Variants in OPCML observed in about 807,000 individuals in gnomAD.
OPCML encodes opioid-binding protein/cell adhesion molecule.
In OPCML, 13 loss-of-function variants were observed where a neutral mutation model predicts 37.8. The ratio of observed to expected loss-of-function variants is 0.34; its 90% CI spans 0.22 to 0.55. OPCML has a LOEUF of 0.55. Ranked by LOEUF, OPCML falls within the 20% of genes least tolerant of loss-of-function variation. The pLI, the probability that OPCML is intolerant of heterozygous loss-of-function variation, is 0.91. For synonymous variants in OPCML, 176 were observed against 168.8 expected (o/e 1.04, Z -0.33); for missense variants, 341 against 435.6 (o/e 0.78, Z 1.93).
chr11:133,472,061 T>C (rs962201697), intron 1 of OPCML, among the ~76,000 whole-genome samples: 3 of 152,232 alleles, frequency 2.0e-5, no homozygotes, highest in Admixed American at 6.5e-5. Context: ...AAAATGGAAG[T>C]GAGAATGAAA....
chr11:133,092,875 T>C (rs1051530348), intron 1 of OPCML, among the ~76,000 whole-genome samples: 1 of 152,108 alleles, frequency 6.6e-6, no homozygotes, highest in African/African-American at 2.4e-5. Context: ...AGAGGATTTC[T>C]GGCAACAGCA....
chr11:132,962,955 C>T (rs556069168), intron 1 of OPCML, among the ~76,000 whole-genome samples: 1 of 152,276 alleles, frequency 6.6e-6, no homozygotes, highest in South Asian at 2.1e-4. Flanking sequence ...GTTTTCTCTG[C>T]CAGACAGAGC....
At chr11:133,133,178 A>G (rs1404580870) in intron 1 of OPCML, among the ~76,000 whole-genome samples, 1 of 152,180 alleles carries the variant, frequency 6.6e-6, no homozygotes, top group African/African-American at 2.4e-5. Flanking sequence ...CTGAAGTGGA[A>G]TCAGATGCAA....
At chr11:132,939,222 T>C (rs1047031472) in intron 2 of OPCML, among the ~76,000 whole-genome samples, 2 of 152,206 alleles carry the variant, frequency 1.3e-5, no homozygotes, top group Non-Finnish European at 2.9e-5. Context: ...AGGTGCAAAG[T>C]ACAGAAACAC....
intron 1 of OPCML, among the ~76,000 whole-genome samples, chr11:133,450,409 A>C (rs78471847): frequency 6.6e-6 from 1 of 151,222 alleles, no homozygotes; most frequent in South Asian, 2.1e-4. Flanking sequence ...TTTTTTTTTA[A>C]GATTTCTCAC....
chr11:132,506,531 C>T (rs1015484539), intron 4 of OPCML, among the ~76,000 whole-genome samples: 3 of 151,970 alleles, frequency 2.0e-5, no homozygotes, highest in Admixed American at 6.6e-5. Context: ...AACATGTAAA[C>T]GCGGATTGTG....
intron 1 of OPCML, among the ~76,000 whole-genome samples, chr11:133,321,110 G>C (rs1335537410): frequency 6.6e-6 from 1 of 152,070 alleles, no homozygotes; most frequent in African/African-American, 2.4e-5. Context: ...GGGGGAAGGT[G>C]GGGGGACAAT....
intron 2 of OPCML, among the ~76,000 whole-genome samples, chr11:132,916,795 C>T (rs961328175): frequency 2.0e-5 from 3 of 152,118 alleles, no homozygotes; most frequent in African/African-American, 7.2e-5. Context: ...CTACCCTCAC[C>T]CTGCCTCCTC....
In OPCML at chr11:133,086,057, G is replaced by C. The variant is rs191192185; in HGVS notation, c.62-143047C>G. Among the ~76,000 whole-genome samples the C allele has an allele frequency of 3.9e-5, 6 of 152,310 alleles. No homozygotes were observed. In the East Asian group the frequency reaches 1.2e-3, roughly 29 times the overall value. On this transcript the variant is annotated intron_variant, in intron 1 of 7. Coordinates refer to ENST00000524381, the MANE Select transcript of OPCML (RefSeq NM_001012393.5). ...CCCTCTCTGTGCATTTCAGAAGATGGTGTAAAACAGTGCTAGAGAAAGCCT... is the reference window on the plus strand; with the variant it reads ...CCCTCTCTGTGCATTTCAGAAGATGCTGTAAAACAGTGCTAGAGAAAGCCT...
At chr11:133,000,830 T>C (rs1434192641) in intron 1 of OPCML, among the ~76,000 whole-genome samples, 16 of 152,182 alleles carry the variant, frequency 1.1e-4, no homozygotes, top group Non-Finnish European at 1.5e-5. Flanking sequence ...GAGGTGTCTG[T>C]CTCATGGGGG....
intron 4 of OPCML, among the ~76,000 whole-genome samples, chr11:132,508,178 A>C (rs2137162648): frequency 6.6e-6 from 1 of 152,312 alleles, no homozygotes; most frequent in African/African-American, 2.4e-5. Flanking sequence ...GTTATTTTTA[A>C]ACTCTTTCAG....
At chr11:132,440,334 GT>G (rs531730416) in intron 4 of OPCML, among the ~76,000 whole-genome samples, 2,131 of 146,100 alleles carry the variant, frequency 0.015, 31 homozygotes, top group African/African-American at 0.042. Context: ...ATTCTTTAGA[GT>G]TTTTTTTTTT....
At chr11:132,578,360 A>C (rs1354633101) in intron 3 of OPCML, among the ~76,000 whole-genome samples, 1 of 152,218 alleles carries the variant, frequency 6.6e-6, no homozygotes, top group Non-Finnish European at 1.5e-5. Context: ...CCTGAAAGAA[A>C]ACAATAGCAG....
At chr11:133,029,971 T>A (rs147252823) in intron 1 of OPCML, among the ~76,000 whole-genome samples, 2 of 152,306 alleles carry the variant, frequency 1.3e-5, no homozygotes, top group Non-Finnish European at 2.9e-5. Context: ...GTGAAGTAAC[T>A]TGGTCAAGGT....
chr11:133,163,741 A>T (rs536264209), intron 1 of OPCML, among the ~76,000 whole-genome samples: 2 of 152,310 alleles, frequency 1.3e-5, no homozygotes, highest in South Asian at 2.1e-4. Context: ...TTAGCAGTGC[A>T]AAGAGGTGTT....
intron 2 of OPCML, among the ~76,000 whole-genome samples, chr11:132,697,495 T>G (rs1476482896): frequency 2.0e-5 from 3 of 152,206 alleles, no homozygotes; most frequent in Non-Finnish European, 4.4e-5. Context: ...GAATTTAAAT[T>G]TTTTTAGATT....
chr11:132,793,627 C>A (rs1298130320), intron 2 of OPCML, among the ~76,000 whole-genome samples: 1 of 152,152 alleles, frequency 6.6e-6, no homozygotes, highest in East Asian at 1.9e-4. Flanking sequence ...CCAATTCTAC[C>A]TTTCTAACTT....
chr11:133,112,285 C>CA (rs370146450), intron 1 of OPCML, among the ~76,000 whole-genome samples: 1,012 of 48,402 alleles, frequency 0.021, 8 homozygotes, highest in African/African-American at 0.029. Flanking sequence ...GACTCTTGGC[C>CA]AAAAAAAAAA....
At chr11:133,241,818 G>GC (rs1279081924) in intron 1 of OPCML, among the ~76,000 whole-genome samples, 1 of 152,126 alleles carries the variant, frequency 6.6e-6, no homozygotes, top group Non-Finnish European at 1.5e-5. Flanking sequence ...CCACAGAACT[G>GC]CCCACTGCCA....
Sources: gnomAD v4.1 joint callset for allele counts (sites outside exome capture counted in the v4.1 genomes callset) on GRCh38, gnomAD v4.1.1 for gene constraint, MANE v1.5 for transcripts, NCBI Gene and HGNC (gene_info 2026-07-23, HGNC 2026-07-21) for gene names.